Variants in P2RX1 observed in about 807,000 individuals in gnomAD.
The protein encoded by P2RX1 is purinergic receptor P2X 1.
In P2RX1, 42 loss-of-function variants were observed where a neutral mutation model predicts 50.3. The observed-to-expected ratio is 0.83, with a 90% confidence interval of 0.65 to 1.08. The LOEUF (loss-of-function observed/expected upper bound fraction) is 1.08, where lower values mean the gene tolerates loss of function less well. Among genes scored for constraint, P2RX1 ranks in the 50% least tolerant of loss-of-function variants. The probability of loss-of-function intolerance (pLI) is 0.00; values close to 1 mark genes in which losing one functional copy is unlikely to be tolerated. For missense variants in P2RX1, 449 were observed against 529.0 expected (o/e 0.85, Z 1.48); for synonymous variants, 199 against 202.6 (o/e 0.98, Z 0.15).
At chr17:3,909,856 CA>C (rs2056331896) in intron 1 of P2RX1, among the ~76,000 whole-genome samples, 1 of 151,710 alleles carries the variant, frequency 6.6e-6, no homozygotes, top group African/African-American at 2.4e-5. Flanking sequence ...CATCCTGAGT[CA>C]AAAGGCTCTT....
intron 1 of P2RX1, among the ~76,000 whole-genome samples, chr17:3,912,431 A>G (rs2056381795): frequency 6.6e-6 from 1 of 151,920 alleles, no homozygotes; most frequent in Non-Finnish European, 1.5e-5. Context: ...CCCAAGTTCA[A>G]TCGATTCTCC....
At chr17:3,906,887 G>A (rs2056275733) in intron 1 of P2RX1, among the ~76,000 whole-genome samples, 1 of 152,214 alleles carries the variant, frequency 6.6e-6, no homozygotes, top group Admixed American at 6.5e-5. Context: ...TCAGCAATGA[G>A]GCCAGGACTT....
intron 1 of P2RX1, among the ~76,000 whole-genome samples, chr17:3,909,532 C>CA (rs2056327028): frequency 6.6e-6 from 1 of 152,148 alleles, no homozygotes; most frequent in African/African-American, 2.4e-5. Flanking sequence ...CCCTGAGATT[C>CA]AATTCCACAC....
intron 7 of P2RX1, among the ~76,000 whole-genome samples, chr17:3,902,493 A>G (rs897393064): frequency 4.4e-4 from 67 of 151,410 alleles, no homozygotes; most frequent in African/African-American, 1.6e-3. Flanking sequence ...ACGGGGTTTC[A>G]CCATACTGGT....
intron 1 of P2RX1, chr17:3,915,207 C>G (rs1485532837): frequency 5.8e-5 from 20 of 345,386 alleles, no homozygotes; most frequent in South Asian, 1.1e-4. Context: ...TGCAGAGTCA[C>G]TGTGAGTGGA....
rs766502947 is a variant in P2RX1, at chr17:3,899,003, C to T, written c.897G>A (p.Glu299=). 20 of 1,612,950 alleles carry T rather than the reference C, an allele frequency of 1.2e-5. No individual in the cohort carries two copies. The South Asian group carries it at 2.1e-4, about 17-fold the overall frequency. ...AGAGGTGACGGTAGTTGGTCCCGTT[C>T]TCCACAAAGTGCCTGGCAAACCTTG... ...FNFRFARHFV[E]NGTNYRHLFK... Residue 299 remains glutamate (E), a synonymous_variant, in exon 9 of 12, where the codon GAG becomes GAA. Transcript: ENST00000225538.
chr17:3,915,813 T>C, intron 1 of P2RX1: 1 of 586,386 alleles, frequency 1.7e-6, no homozygotes, highest in Non-Finnish European at 3.2e-6. Context: ...CACTAACCAC[T>C]CAAAGGAACC....
chr17:3,897,993 C>T lies in P2RX1; in HGVS notation c.1134+16G>A, dbSNP rs758701863. 5.6e-6 allele frequency: 9 copies of T among 1,612,668 alleles called. No homozygotes were observed. Among genetic ancestry groups the T allele is most frequent in the Non-Finnish European group, 5.9e-6 (7 of 1,179,042 alleles). ...CCGGAGGCCTTCGAAGGGCCTGGCT[C>T]GGGGGGTTCTCTTACCGCCCCTGGC... is the stretch of plus-strand genomic sequence containing the variant. On this transcript the variant is annotated intron_variant, in intron 11 of 11. Transcript: ENST00000225538.
chr17:3,904,066 A>T, intron 4 of P2RX1, 42 bp from the exon 5 acceptor site: 2 of 1,498,284 alleles, frequency 1.3e-6, no homozygotes, highest in Non-Finnish European at 9.3e-7. Flanking sequence ...CACTAAACAG[A>T]GGAGGCCGCC....
At chr17:3,913,718 C>T (rs547638428) in intron 1 of P2RX1, among the ~76,000 whole-genome samples, 1 of 152,362 alleles carries the variant, frequency 6.6e-6, no homozygotes. Context: ...CATCCCCCAC[C>T]CAGGCTTTGC....
chr17:3,903,179 G>A lies in P2RX1; in HGVS notation c.747+23C>T, dbSNP rs371813612. The A allele has an allele frequency of 1.1e-4, 178 of 1,613,808 alleles. No homozygotes were observed. In the African/African-American group the frequency reaches 1.8e-3, roughly 17 times the overall value. ...GATCCTGCGGCCCAGCCCTCCCCAC[G>A]TGCCTGGCACCATGCTCCATACCTT... On this transcript the variant is annotated intron_variant, in intron 7 of 11. Coordinates refer to ENST00000225538, the MANE Select transcript of P2RX1 (RefSeq NM_002558.4). This position sits in a 1 kb window ranked among gnomAD's most constrained non-coding sequence, Gnocchi z 4.6.
chr17:3,898,855 A>G, intron 9 of P2RX1, 79 bp downstream of exon 9: 1 of 1,154,084 alleles, frequency 8.7e-7, no homozygotes, highest in African/African-American at 1.5e-5. Context: ...CCGGTTGTCT[A>G]TAACTGTAGA....
intron 9 of P2RX1, 53 bp from the exon 10 acceptor site, chr17:3,898,602 G>A (rs1389752154): frequency 6.5e-6 from 9 of 1,389,648 alleles, no homozygotes; most frequent in Non-Finnish European, 9.2e-6. Context: ...GGGCCCAGCT[G>A]GAAAAGGCCG....
At chr17:3,909,270 T>C (rs2056321915) in intron 1 of P2RX1, among the ~76,000 whole-genome samples, 1 of 152,048 alleles carries the variant, frequency 6.6e-6, no homozygotes, top group Admixed American at 6.5e-5. Flanking sequence ...GACCTCGTGA[T>C]CCGCCCGCCT....
intron 1 of P2RX1, among the ~76,000 whole-genome samples, chr17:3,906,065 G>A (rs1567654587): frequency 1.3e-5 from 2 of 152,188 alleles, no homozygotes; most frequent in Non-Finnish European, 2.9e-5. Context: ...ACTTACTGTG[G>A]GATTTGGGGT....
At chr17:3,901,681 T>C (rs1021562166) in intron 7 of P2RX1, among the ~76,000 whole-genome samples, 1 of 152,030 alleles carries the variant, frequency 6.6e-6, no homozygotes, top group Non-Finnish European at 1.5e-5. Flanking sequence ...AGAAAAGGGA[T>C]TGATTTCGTT....
intron 1 of P2RX1, among the ~76,000 whole-genome samples, chr17:3,907,002 G>A (rs1237158542): frequency 6.6e-6 from 1 of 152,332 alleles, no homozygotes; most frequent in East Asian, 1.9e-4. Context: ...TCTGGAGAGA[G>A]CAATCCTGAC....
In P2RX1 at chr17:3,904,945, A is replaced by AGGGGGGGGGGGGG; in HGVS notation, c.286-17_286-16insCCCCCCCCCCCCC. On this transcript the variant is annotated splice_polypyrimidine_tract_variant and intron_variant, in intron 2 of 11. Transcript: ENST00000225538. ...AGTTGTCCCCCTAGAAGTGAGGGGCAGGGGGAGGGTGGGGTGGGCTGGGAG... is the reference window on the plus strand; with the variant it reads ...AGTTGTCCCCCTAGAAGTGAGGGGCAGGGGGGGGGGGGGGGGGGAGGGTGGGGTGGGCTGGGAG... 6.7e-6 allele frequency: 1 copy of AGGGGGGGGGGGGG among 148,782 alleles called. No individual in the cohort carries two copies. The highest frequency in any genetic ancestry group is 1.1e-4 in the Admixed American group (1 of 8,778). 9.2% of individuals were successfully genotyped at this position (148,782 alleles called of 1,614,324 possible). A position where few individuals can be genotyped will look rare whatever the true frequency, so the allele number is the denominator to read the frequency against.
chr17:3,902,851 C>T (rs2056176137), intron 7 of P2RX1, among the ~76,000 whole-genome samples: 1 of 152,038 alleles, frequency 6.6e-6, no homozygotes, highest in African/African-American at 2.4e-5. Flanking sequence ...TCAAGTGATC[C>T]ACCCGCCTCT....
Sources: allele counts gnomAD v4.1 joint callset (sites outside exome capture counted in the v4.1 genomes callset), GRCh38; gene constraint gnomAD v4.1.1; non-coding constraint Gnocchi (gnomAD v3.1); transcripts MANE v1.5; gene names NCBI Gene and HGNC (gene_info 2026-07-23, HGNC 2026-07-21).